The following GRID2 variants were observed in gnomAD, a reference collection of about 807,000 sequenced individuals.
GRID2 encodes glutamate ionotropic receptor delta type subunit 2, also known as glutamate receptor ionotropic, delta-2.
GRID2 carries 33 observed loss-of-function variants against 114.8 expected under a neutral mutation model. The ratio of observed to expected loss-of-function variants is 0.29; its 90% CI spans 0.22 to 0.38. GRID2 has a LOEUF of 0.38. Among genes scored for constraint, GRID2 ranks in the 10% least tolerant of loss-of-function variants. The pLI is 1.00. For missense variants in GRID2, 1,184 were observed against 1,257.7 expected (o/e 0.94, Z 0.89); for synonymous variants, 505 against 449.9 (o/e 1.12, Z -1.55).
intron 2 of GRID2, among the ~76,000 whole-genome samples, chr4:92,618,420 C>A (rs2149236038): frequency 6.6e-6 from 1 of 151,774 alleles, no homozygotes; most frequent in South Asian, 2.1e-4. Context: ...AGCTTTGTAG[C>A]ACATTTTGAA....
intron 10 of GRID2, among the ~76,000 whole-genome samples, chr4:93,433,541 C>T (rs1400700262): frequency 6.6e-6 from 1 of 152,112 alleles, no homozygotes; most frequent in Non-Finnish European, 1.5e-5. Context: ...GAAGAGAATT[C>T]CCACGCCATG....
intron 8 of GRID2, among the ~76,000 whole-genome samples, chr4:93,277,281 A>C (rs1321079873): frequency 2.0e-5 from 3 of 151,998 alleles, no homozygotes; most frequent in Non-Finnish European, 4.4e-5. Context: ...TAATTGTAAC[A>C]CAATGAAACA....
chr4:92,856,380 T>A (rs943532689), intron 2 of GRID2, among the ~76,000 whole-genome samples: 5 of 152,138 alleles, frequency 3.3e-5, no homozygotes, highest in African/African-American at 1.2e-4. Context: ...CTTTCCATTC[T>A]TAACAAGCAA....
At chr4:92,346,685 G>T (rs1185616521) in intron 1 of GRID2, among the ~76,000 whole-genome samples, 2 of 151,956 alleles carry the variant, frequency 1.3e-5, no homozygotes, top group African/African-American at 4.8e-5. Flanking sequence ...ACAATATCAG[G>T]GAGAAAATCA....
chr4:92,721,903 A>G (rs942421603), intron 2 of GRID2, among the ~76,000 whole-genome samples: 4 of 152,182 alleles, frequency 2.6e-5, no homozygotes, highest in African/African-American at 9.6e-5. Context: ...AAATAAACAT[A>G]TCATTGACCA....
intron 13 of GRID2, among the ~76,000 whole-genome samples, chr4:93,590,815 C>T (rs1016650265): frequency 1.3e-5 from 2 of 149,936 alleles, no homozygotes; most frequent in African/African-American, 4.9e-5. Context: ...CTCTTTGAAG[C>T]AATTGTGAAT....
chr4:92,549,017 G>C lies in GRID2; in HGVS notation c.89-41114G>C, dbSNP rs1265337424. Among the ~76,000 whole-genome samples the C allele has an allele frequency of 4.6e-5, 7 of 150,808 alleles. No homozygotes were observed. The East Asian group carries it at 1.4e-3, about 30-fold the overall frequency. ...CATTGGGGATTACAATTGAAAATGA[G>C]ATTTGGTTGGTACATGTATCCAAAA... On this transcript the variant is annotated intron_variant, in intron 1 of 15. Transcript: ENST00000282020.
chr4:93,398,579 G>A (rs996807431), intron 9 of GRID2, among the ~76,000 whole-genome samples: 5 of 151,770 alleles, frequency 3.3e-5, no homozygotes, highest in Admixed American at 2.0e-4. Flanking sequence ...TCATTTCCAG[G>A]CTGAATAAAA....
chr4:92,778,180 AC>A (rs1159639888), intron 2 of GRID2, among the ~76,000 whole-genome samples: 1 of 152,054 alleles, frequency 6.6e-6, no homozygotes, highest in Non-Finnish European at 1.5e-5. Flanking sequence ...CTCAATGAGA[AC>A]TTTTTCAACA....
intron 14 of GRID2, among the ~76,000 whole-genome samples, chr4:93,753,841 A>G (rs928081799): frequency 6.6e-6 from 1 of 152,222 alleles, no homozygotes; most frequent in Non-Finnish European, 1.5e-5. Flanking sequence ...GGCCAGCATC[A>G]AGACTCACTG....
intron 2 of GRID2, among the ~76,000 whole-genome samples, chr4:92,698,687 A>G (rs1734531792): frequency 6.6e-6 from 1 of 151,912 alleles, no homozygotes; most frequent in Non-Finnish European, 1.5e-5. Context: ...TCTTTGAAAT[A>G]ATTCATAAAT....
intron 1 of GRID2, among the ~76,000 whole-genome samples, chr4:92,531,109 A>T (rs998954990): frequency 1.3e-5 from 2 of 151,874 alleles, no homozygotes; most frequent in Admixed American, 1.3e-4. Flanking sequence ...AAAATAAAAT[A>T]AAAAAACTTT....
chr4:92,532,217 T>C (rs1363818708), intron 1 of GRID2, among the ~76,000 whole-genome samples: 1 of 152,176 alleles, frequency 6.6e-6, no homozygotes, highest in East Asian at 1.9e-4. Context: ...GGAATACTCC[T>C]ACCTACTGTG....
At chr4:92,855,723 T>G (rs1487380852) in intron 2 of GRID2, among the ~76,000 whole-genome samples, 1 of 151,980 alleles carries the variant, frequency 6.6e-6, no homozygotes, top group Non-Finnish European at 1.5e-5. Context: ...CACACACCTT[T>G]TTAGTCTTAA....
chr4:93,560,222 T>TAAAAAA (rs70942974), intron 13 of GRID2, among the ~76,000 whole-genome samples: 1,196 of 42,898 alleles, frequency 0.028, 41 homozygotes, highest in East Asian at 0.071. Flanking sequence ...GAACTTAAAG[T>TAAAAAA]AAAAAAAAAA....
At chr4:93,798,400 G>T (rs1304209622) in intron 1 of GRID2, among the ~76,000 whole-genome samples, 1 of 152,070 alleles carries the variant, frequency 6.6e-6, no homozygotes, top group African/African-American at 2.4e-5. Context: ...TAGATAACAA[G>T]TGTGGACCCA....
intron 1 of GRID2, among the ~76,000 whole-genome samples, chr4:92,562,681 T>C: frequency 6.6e-6 from 1 of 152,124 alleles, no homozygotes; most frequent in East Asian, 1.9e-4. Flanking sequence ...ATGAGTATCA[T>C]GAGAAGAACC....
chr4:92,637,200 A>G (rs1731108084), intron 2 of GRID2, among the ~76,000 whole-genome samples: 1 of 152,000 alleles, frequency 6.6e-6, no homozygotes, highest in African/African-American at 2.4e-5. Flanking sequence ...CTACAATAAA[A>G]ATTTACTATG....
intron 14 of GRID2, among the ~76,000 whole-genome samples, chr4:93,742,657 G>C (rs1313867303): frequency 6.6e-6 from 1 of 152,120 alleles, no homozygotes; most frequent in Non-Finnish European, 1.5e-5. Flanking sequence ...CAGTGATCTT[G>C]ATGTTACTAT....
Sources: allele counts gnomAD v4.1 joint callset (sites outside exome capture counted in the v4.1 genomes callset), GRCh38; gene constraint gnomAD v4.1.1; transcripts MANE v1.5; gene names NCBI Gene and HGNC (gene_info 2026-07-23, HGNC 2026-07-21).